The following ITPR2 variants were observed in gnomAD, a reference collection of about 807,000 sequenced individuals.
The protein encoded by ITPR2 is inositol 1,4,5-trisphosphate receptor type 2.
In ITPR2, 207 loss-of-function variants were observed where a neutral mutation model predicts 317.1. That is an observed-to-expected ratio of 0.65 (90% CI 0.58 to 0.73). ITPR2 has a LOEUF of 0.73. ITPR2 is among the 30% of genes least tolerant of loss of function. The pLI is 0.00. For synonymous variants in ITPR2, 1,156 were observed against 1,149.1 expected (o/e 1.01, Z -0.12); for missense variants, 2,613 against 3,284.0 (o/e 0.80, Z 4.99).
At chr12:26,739,353 A>C (rs1949190304) in intron 2 of ITPR2, among the ~76,000 whole-genome samples, 1 of 152,242 alleles carries the variant, frequency 6.6e-6, no homozygotes, top group South Asian at 2.1e-4. Context: ...CATTGTATGC[A>C]AATGTCCACC....
chr12:26,461,165 C>G (rs1221996569), intron 45 of ITPR2, among the ~76,000 whole-genome samples: 1 of 152,098 alleles, frequency 6.6e-6, no homozygotes, highest in African/African-American at 2.4e-5. Context: ...GTCACTCTGT[C>G]TATGGGTATG....
chr12:26,339,925 T>C (rs1938049432), intron 56 of ITPR2, among the ~76,000 whole-genome samples: 1 of 152,230 alleles, frequency 6.6e-6, no homozygotes, highest in African/African-American at 2.4e-5. Flanking sequence ...TGCTTGTATT[T>C]TGGCATTTTA....
chr12:26,355,170 T>C (rs762641579), intron 55 of ITPR2, among the ~76,000 whole-genome samples: 6 of 152,244 alleles, frequency 3.9e-5, no homozygotes, highest in Non-Finnish European at 7.3e-5. Context: ...GTCTAACCAA[T>C]GATTTCCTAA....
intron 37 of ITPR2, among the ~76,000 whole-genome samples, chr12:26,520,409 C>A (rs1253296958): frequency 6.6e-6 from 1 of 152,154 alleles, no homozygotes; most frequent in African/African-American, 2.4e-5. Flanking sequence ...GCTTCCTGTT[C>A]TTGTGAGTGT....
intron 51 of ITPR2, among the ~76,000 whole-genome samples, chr12:26,412,674 G>C (rs1250236436): frequency 2.0e-5 from 3 of 151,976 alleles, no homozygotes; most frequent in Admixed American, 1.3e-4. Context: ...TTCTAGGAGG[G>C]GGAAAAAAAC....
At chr12:26,370,301 T>C (rs1358971759) in intron 55 of ITPR2, among the ~76,000 whole-genome samples, 1 of 152,152 alleles carries the variant, frequency 6.6e-6, no homozygotes, top group East Asian at 1.9e-4. Flanking sequence ...TGGTCTGTGC[T>C]GACTCTGGGT....
intron 39 of ITPR2, among the ~76,000 whole-genome samples, chr12:26,491,523 C>T (rs1942805764): frequency 7.1e-6 from 1 of 141,766 alleles, no homozygotes; most frequent in Non-Finnish European, 1.5e-5. Flanking sequence ...TCTTTGAAGG[C>T]AACACGGAGA....
At chr12:26,682,282 C>T (rs956634153) in intron 12 of ITPR2, among the ~76,000 whole-genome samples, 7 of 152,168 alleles carry the variant, frequency 4.6e-5, no homozygotes, top group South Asian at 2.1e-4. Flanking sequence ...GCTTCAGTTT[C>T]GACAGAGTAG....
intron 18 of ITPR2, among the ~76,000 whole-genome samples, chr12:26,657,166 T>C (rs924324847): frequency 1.3e-5 from 2 of 152,224 alleles, no homozygotes; most frequent in African/African-American, 4.8e-5. Context: ...AACTCAAAGA[T>C]GCCAGCTAGG....
At chr12:26,735,743 A>G (rs1400995796) in intron 2 of ITPR2, among the ~76,000 whole-genome samples, 1 of 152,236 alleles carries the variant, frequency 6.6e-6, no homozygotes, top group African/African-American at 2.4e-5. Flanking sequence ...ATTTATATAA[A>G]CATATCCTGT....
intron 49 of ITPR2, among the ~76,000 whole-genome samples, chr12:26,427,295 C>A (rs1165846107): frequency 2.6e-5 from 4 of 152,032 alleles, no homozygotes; most frequent in African/African-American, 9.7e-5. Context: ...GTTGGCTAGT[C>A]CCTTTAAAAT....
At chr12:26,579,318 C>T (rs75051764) in intron 33 of ITPR2, among the ~76,000 whole-genome samples, 1,798 of 152,232 alleles carry the variant, frequency 0.012, 35 homozygotes, top group African/African-American at 0.04. Flanking sequence ...GAGTTATACA[C>T]AATCACTGTA....
At chr12:26,358,689 G>C (rs907101286) in intron 55 of ITPR2, among the ~76,000 whole-genome samples, 5 of 151,936 alleles carry the variant, frequency 3.3e-5, no homozygotes, top group African/African-American at 1.2e-4. Context: ...AAAAGGCACT[G>C]ATATGTTTTT....
At chr12:26,812,949 C>A (rs2137271289) in intron 1 of ITPR2, among the ~76,000 whole-genome samples, 1 of 152,246 alleles carries the variant, frequency 6.6e-6, no homozygotes, top group South Asian at 2.1e-4. Flanking sequence ...CATAACCAAC[C>A]AACGTCTTCA....
intron 34 of ITPR2, among the ~76,000 whole-genome samples, chr12:26,577,044 G>A (rs1945294386): frequency 1.3e-5 from 2 of 152,162 alleles, no homozygotes; most frequent in South Asian, 4.1e-4. Context: ...CCCATGGGAT[G>A]ATGCAGCAAG....
At chr12:26,410,241 T>C (rs1565511017) in intron 52 of ITPR2, among the ~76,000 whole-genome samples, 1 of 152,094 alleles carries the variant, frequency 6.6e-6, no homozygotes, top group Non-Finnish European at 1.5e-5. Flanking sequence ...AGCTGGTTCT[T>C]ATTGTGAGCC....
At chr12:26,486,028 T>G (rs1942656476) in intron 41 of ITPR2, 76 bp downstream of exon 41, 1 of 1,511,748 alleles carries the variant, frequency 6.6e-7, no homozygotes, top group Non-Finnish European at 9.1e-7. Flanking sequence ...CGAAACTACT[T>G]GTTGGTTTTA....
chr12:26,585,683 G>C (rs1945509210), intron 32 of ITPR2, among the ~76,000 whole-genome samples: 1 of 152,210 alleles, frequency 6.6e-6, no homozygotes, highest in Non-Finnish European at 1.5e-5. Context: ...GGGATTACAG[G>C]TCTGAGCCAC....
At chr12:26,797,113 C>T (rs1402369266) in intron 1 of ITPR2, among the ~76,000 whole-genome samples, 1 of 151,966 alleles carries the variant, frequency 6.6e-6, no homozygotes, top group East Asian at 1.9e-4. Context: ...ATAAATTGTA[C>T]TGCATGCAAC....
Sources: gnomAD v4.1 joint callset for allele counts (sites outside exome capture counted in the v4.1 genomes callset) on GRCh38, gnomAD v4.1.1 for gene constraint, MANE v1.5 for transcripts, NCBI Gene and HGNC (gene_info 2026-07-23, HGNC 2026-07-21) for gene names.